NFIX: variants seen among roughly 807,000 people sequenced by gnomAD.
The protein encoded by NFIX is nuclear factor 1 X-type.
Under a neutral mutation model 53.3 loss-of-function variants are expected in NFIX, and 2 were observed. That is an observed-to-expected ratio of 0.04 (90% confidence interval 0.02 to 0.12). The LOEUF (loss-of-function observed/expected upper bound fraction) is 0.12. NFIX is among the 10% of genes least tolerant of loss of function. The probability of loss-of-function intolerance (pLI) is 1.00; values close to 1 mark genes in which losing one functional copy is unlikely to be tolerated. For synonymous variants in NFIX, 244 were observed against 289.0 expected, an observed-to-expected ratio of 0.84 and a Z score of 1.58; for missense variants, 310 against 674.5, an observed-to-expected ratio of 0.46 and a Z score of 5.99.
chr19:13,024,750 A>G, intron 1 of NFIX: 1 of 1,523,204 alleles, frequency 6.6e-7, no homozygotes, highest in South Asian at 1.2e-5. Flanking sequence ...GAGAGAGAAT[A>G]GGTGTGTGTA....
At position 13,081,333 on chromosome 19, in the gene NFIX, G is replaced by C. The variant is rs1437220020; in HGVS notation, c.1079-347G>C. On this transcript the variant is annotated intron_variant, in intron 7 of 10. Coordinates refer to ENST00000592199, the MANE Select transcript of NFIX (RefSeq NM_001365902.3). The surrounding 1 kb of genome is among the most constrained non-coding windows in gnomAD (Gnocchi z 4.7). Reference sequence around the variant, plus strand: ...AATAATAATAACACTTTTTTAAAAAGCCAAATAAAATAAAGACAAGATCCT... The same window carrying C: ...AATAATAATAACACTTTTTTAAAAACCCAAATAAAATAAAGACAAGATCCT... Among the ~76,000 whole-genome samples, 1 of 151,892 alleles carries C rather than the reference G, an allele frequency of 6.6e-6. No individual in the cohort carries two copies. The highest frequency in any genetic ancestry group is 1.5e-5 in the Non-Finnish European group (1 of 67,980).
rs535598420 is a variant in NFIX at position 12,996,021 on chromosome 19, C to T, written c.27+157C>T. Among the ~76,000 whole-genome samples the T allele has an allele frequency of 1.3e-5, 2 of 150,680 alleles. No homozygotes were observed. Among genetic ancestry groups the T allele is most frequent in the South Asian group, 4.1e-4 (2 of 4,822 alleles). ...GGCTGTGCCGCGGGGAGCCCAGGCA[C>T]GCGTGCGGGCGTCACCGTGCGCGTG... On this transcript the variant is annotated intron_variant, in intron 1 of 10. Transcript: ENST00000592199. This position sits in a 1 kb window ranked among gnomAD's most constrained non-coding sequence, Gnocchi z 5.2.
intron 1 of NFIX, among the ~76,000 whole-genome samples, chr19:13,023,709 T>C (rs1329748439): frequency 6.6e-6 from 1 of 151,358 alleles, no homozygotes; most frequent in Non-Finnish European, 1.5e-5. Context: ...TTTGTTTACC[T>C]GGCGTGTGTG....
At chr19:13,075,396 G>A in intron 5 of NFIX, 139 bp from the exon 6 acceptor site, 3 of 895,834 alleles carry the variant, frequency 3.3e-6, no homozygotes, top group Non-Finnish European at 5.0e-6. Context: ...CGCAGTGAGT[G>A]CCCAGAAATG....
rs1321223877 is a variant in NFIX at position 13,081,250 on chromosome 19, T to C, written c.1079-430T>C. Among the ~76,000 whole-genome samples the C allele has an allele frequency of 1.3e-5, 2 of 150,804 alleles. No homozygotes were observed. The highest frequency in any genetic ancestry group is 4.9e-5 in the African/African-American group (2 of 40,868). ...AGCCCAGGAGGATTGCTTGCCGTGA[T>C]CCGTGTTTGTGCCACTGCACTCCAG... On this transcript the variant is annotated intron_variant, in intron 7 of 10. Transcript: ENST00000592199. This position sits in a 1 kb window ranked among gnomAD's most constrained non-coding sequence, Gnocchi z 4.7.
intron 2 of NFIX, chr19:13,070,413 C>G (rs1811958527): frequency 6.5e-6 from 1 of 152,786 alleles, no homozygotes; most frequent in Admixed American, 6.5e-5. Context: ...TCCCCTGCCC[C>G]TGGCTTCAGC....
chr19:13,026,921 AAAAAG>A (rs1347908874), intron 2 of NFIX, among the ~76,000 whole-genome samples: 2 of 152,152 alleles, frequency 1.3e-5, no homozygotes, highest in African/African-American at 4.8e-5. Context: ...TTCATTCACA[AAAAAG>A]AAAAGTGATT....
In NFIX at chr19:13,096,743, G is replaced by A. The variant is rs1340342989; in HGVS notation, c.*2094G>A. On this transcript the variant is annotated 3_prime_UTR_variant, in exon 11 of 11. Coordinates refer to ENST00000592199, the MANE Select transcript of NFIX (RefSeq NM_001365902.3). Reference sequence around the variant, plus strand: ...CGTGCCCTTTCCCTCGACGACAGTCGAGGGCTCGGGCTCTGTGGGACTGTG... The same window carrying A: ...CGTGCCCTTTCCCTCGACGACAGTCAAGGGCTCGGGCTCTGTGGGACTGTG... The A allele has an allele frequency of 2.0e-5, 3 of 152,230 alleles. No homozygotes were observed. The highest frequency in any genetic ancestry group is 4.4e-5 in the Non-Finnish European group (3 of 67,966). 9.4% of individuals were successfully genotyped at this position (152,230 alleles called of 1,614,324 possible).
In NFIX at chr19:13,001,755, C is replaced by T. The variant is rs1161826939; in HGVS notation, c.27+5891C>T. On this transcript the variant is annotated intron_variant, in intron 1 of 10. Transcript: ENST00000592199. This position sits in a 1 kb window ranked among gnomAD's most constrained non-coding sequence, Gnocchi z 6.5. Reference sequence around the variant, plus strand: ...CACTGTGGGTCTCACCCCACGGGCGCCTCTCCTGGGCATTCCCTTGGCCTC... The same window carrying T: ...CACTGTGGGTCTCACCCCACGGGCGTCTCTCCTGGGCATTCCCTTGGCCTC... 6.6e-6 allele frequency among the ~76,000 whole-genome samples: 1 copy of T among 152,206 alleles called. No homozygotes were observed. Among genetic ancestry groups the T allele is most frequent in the Non-Finnish European group, 1.5e-5 (1 of 68,036 alleles).
chr19:13,014,938 A>G lies in NFIX; in HGVS notation c.28-10083A>G, dbSNP rs1197811766. Among the ~76,000 whole-genome samples the G allele has an allele frequency of 1.3e-5, 2 of 152,196 alleles. No homozygotes were observed. The highest frequency in any genetic ancestry group is 2.9e-5 in the Non-Finnish European group (2 of 68,024). On this transcript the variant is annotated intron_variant, in intron 1 of 10. Transcript: ENST00000592199. This position sits in a 1 kb window ranked among gnomAD's most constrained non-coding sequence, Gnocchi z 4.4. Reference sequence around the variant, plus strand: ...GCCAGGTGTGGGGTAGACCGCTTAGAAGGGAAAGGGGATCCTGAAGTGCCT... The same window carrying G: ...GCCAGGTGTGGGGTAGACCGCTTAGGAGGGAAAGGGGATCCTGAAGTGCCT...
chr19:13,075,834 G>A (rs1369448390), intron 6 of NFIX, among the ~76,000 whole-genome samples, 163 bp downstream of exon 6: 3 of 152,202 alleles, frequency 2.0e-5, no homozygotes, highest in Non-Finnish European at 2.9e-5. Context: ...AGAGCAGGCT[G>A]AAGGAAGGGA....
chr19:13,022,717 G>A lies in NFIX; in HGVS notation c.28-2304G>A, dbSNP rs916844347. On this transcript the variant is annotated intron_variant, in intron 1 of 10. Coordinates refer to ENST00000592199, the MANE Select transcript of NFIX (RefSeq NM_001365902.3). This position sits in a 1 kb window ranked among gnomAD's most constrained non-coding sequence, Gnocchi z 4.5. ...TTCCCCAAGGCCTTCTGGGGCTCCC[G>A]CCCGCCAGCCCGCCGGGAGTCAGGC... 6.6e-5 allele frequency among the ~76,000 whole-genome samples: 10 copies of A among 152,032 alleles called. No individual in the cohort carries two copies. The highest frequency in any genetic ancestry group is 2.9e-5 in the Non-Finnish European group (2 of 67,970).
In NFIX at chr19:13,073,443, G is replaced by A. The variant is rs1381134962; in HGVS notation, c.644G>A (p.Cys215Tyr). The change falls in exon 4 of 11, where the codon TGT becomes TAT. Residue 215 changes from cysteine (C) to tyrosine (Y), a missense_variant. Transcript: ENST00000592199. This position sits in a 1 kb window ranked among gnomAD's most constrained non-coding sequence, Gnocchi z 4.5. ...TCAGGGCACTTAAGTTTCCAGGACT[G>A]TTTTGTGACTTCCGGGGTCTGGAAT... ...LPNGHLSFQD[C>Y]FVTSGVWNVT... 1 of 1,614,030 alleles carries A rather than the reference G, an allele frequency of 6.2e-7. No homozygotes were observed. Among genetic ancestry groups the A allele is most frequent in the Non-Finnish European group, 8.5e-7 (1 of 1,179,894 alleles).
rs771516312 is a variant in NFIX, at chr19:13,060,647, C to G, written c.560-12400C>G. Among the ~76,000 whole-genome samples the G allele has an allele frequency of 4.6e-5, 7 of 152,166 alleles. No homozygotes were observed. Among genetic ancestry groups the G allele is most frequent in the South Asian group, 2.1e-4 (1 of 4,832 alleles). On this transcript the variant is annotated intron_variant, in intron 2 of 10. Coordinates refer to ENST00000592199, the MANE Select transcript of NFIX (RefSeq NM_001365902.3). This position sits in a 1 kb window ranked among gnomAD's most constrained non-coding sequence, Gnocchi z 4.3. The stretch of plus-strand genomic sequence containing the variant: ...AGGCGGGGGGGTAGGGAGCAGCCCT[C>G]GCACAGCCAGCTAGACTGTTTTGCT...
chr19:12,997,073 C>T (rs780780148), intron 1 of NFIX, among the ~76,000 whole-genome samples: 2 of 152,242 alleles, frequency 1.3e-5, no homozygotes, highest in Non-Finnish European at 2.9e-5. Flanking sequence ...AGGCCAGGCC[C>T]TAATTGTCCC....
At chr19:13,071,599 C>T (rs1025040057) in intron 2 of NFIX, among the ~76,000 whole-genome samples, 6 of 152,140 alleles carry the variant, frequency 3.9e-5, no homozygotes, top group Admixed American at 1.3e-4. Context: ...TAGCACTTTC[C>T]GTATTAAAAA....
intron 1 of NFIX, among the ~76,000 whole-genome samples, chr19:12,997,650 G>C (rs1289126625): frequency 6.6e-6 from 1 of 152,180 alleles, no homozygotes; most frequent in Non-Finnish European, 1.5e-5. Context: ...AAGACCCCAC[G>C]CTCAAGCAGC....
At chr19:13,047,118 G>A (rs893049491) in intron 2 of NFIX, among the ~76,000 whole-genome samples, 1 of 152,132 alleles carries the variant, frequency 6.6e-6, no homozygotes, top group Non-Finnish European at 1.5e-5. Context: ...CAGCATCAAC[G>A]ATGAGCCTTG....
At chr19:13,054,934 C>G (rs911245035) in intron 2 of NFIX, among the ~76,000 whole-genome samples, 5 of 152,166 alleles carry the variant, frequency 3.3e-5, no homozygotes, top group African/African-American at 9.7e-5. Context: ...TTTTCCCCCC[C>G]TCTTGTTAAA....
Sources: gnomAD v4.1 joint callset for allele counts (sites outside exome capture counted in the v4.1 genomes callset) on GRCh38, gnomAD v4.1.1 for gene constraint, Gnocchi (gnomAD v3.1) non-coding constraint, MANE v1.5 for transcripts, NCBI Gene and HGNC (gene_info 2026-07-23, HGNC 2026-07-21) for gene names.